ITGA6: variants seen among roughly 807,000 people sequenced by gnomAD.
The protein encoded by ITGA6 is integrin subunit alpha 6.
In ITGA6, 63 loss-of-function variants were observed where a neutral mutation model predicts 133.6. That is an observed-to-expected ratio of 0.47 (90% confidence interval 0.38 to 0.58). ITGA6 has a LOEUF of 0.58. Ranked by LOEUF, ITGA6 falls within the 20% of genes least tolerant of loss-of-function variation. The pLI, the probability that ITGA6 is intolerant of heterozygous loss-of-function variation, is 0.00. For missense variants in ITGA6, 1,068 were observed against 1,309.4 expected, an observed-to-expected ratio of 0.82 and a Z score of 2.85; for synonymous variants, 434 against 482.0, an observed-to-expected ratio of 0.90 and a Z score of 1.30.
At chr2:172,455,964 G>A (rs992018807) in intron 1 of ITGA6, among the ~76,000 whole-genome samples, 1 of 152,128 alleles carries the variant, frequency 6.6e-6, no homozygotes, top group Non-Finnish European at 1.5e-5. Flanking sequence ...AAGCTTTAAC[G>A]CCTCCTCTGC....
rs180915850 is a variant in ITGA6, at chr2:172,495,928, C to T, written c.2989-2047C>T. Among the ~76,000 whole-genome samples, 262 of 152,298 alleles carry T rather than the reference C, an allele frequency of 1.7e-3. 3 individuals are homozygous for T. The highest frequency in any genetic ancestry group is 2.1e-3 in the Admixed American group (32 of 15,298). Reference sequence around the variant, plus strand: ...TTATAATAAAGCTGATTCTCCTTGCCGAAGACCAGTTTCCACTCTCCACTT... The same window carrying T: ...TTATAATAAAGCTGATTCTCCTTGCTGAAGACCAGTTTCCACTCTCCACTT... On this transcript the variant is annotated intron_variant, in intron 23 of 25. Coordinates refer to ENST00000684293, the MANE Select transcript of ITGA6 (RefSeq NM_000210.4).
rs117920827 is a variant in ITGA6 at position 172,463,083 on chromosome 2, A to T, written c.183-2456A>T. The stretch of plus-strand genomic sequence containing the variant: ...TAGCTCCCTGTGGTTTCATGACCTC[A>T]TGACCTGTTCACGGATCAGGCTTCC... On this transcript the variant is annotated intron_variant, in intron 1 of 25. Transcript: ENST00000684293. Among the ~76,000 whole-genome samples, 293 of 152,314 alleles carry T rather than the reference A, an allele frequency of 1.9e-3. 6 individuals are homozygous for T. In the East Asian group the frequency reaches 0.034, roughly 18 times the overall value.
intron 1 of ITGA6, among the ~76,000 whole-genome samples, chr2:172,444,351 C>T (rs563152956): frequency 2.0e-5 from 3 of 152,254 alleles, no homozygotes; most frequent in African/African-American, 7.2e-5. Flanking sequence ...TCAGTATACA[C>T]AAAGAAGTAT....
chr2:172,461,897 A>T (rs1179985094), intron 1 of ITGA6, among the ~76,000 whole-genome samples: 2 of 152,190 alleles, frequency 1.3e-5, no homozygotes, highest in African/African-American at 4.8e-5. Flanking sequence ...TAGATTAGGA[A>T]GTAGATAGGT....
intron 1 of ITGA6, among the ~76,000 whole-genome samples, chr2:172,456,434 A>T (rs573578070): frequency 6.6e-6 from 1 of 152,226 alleles, no homozygotes; most frequent in South Asian, 2.1e-4. Context: ...CCAGCTTTCT[A>T]TCCGAGCCTG....
intron 5 of ITGA6, 109 bp downstream of exon 5, chr2:172,471,214 G>A: frequency 1.5e-6 from 2 of 1,294,508 alleles, no homozygotes; most frequent in African/African-American, 2.9e-5. Flanking sequence ...AAGAGGCCAG[G>A]TGGGGCCGGG....
chr2:172,496,663 C>T (rs1687139617), intron 23 of ITGA6, among the ~76,000 whole-genome samples: 2 of 150,372 alleles, frequency 1.3e-5, no homozygotes, highest in African/African-American at 5.0e-5. Flanking sequence ...CTTTACTTTA[C>T]ATTCTCTTAA....
chr2:172,487,865 A>G (rs960047915), intron 17 of ITGA6, 58 bp downstream of exon 17: 4 of 1,487,870 alleles, frequency 2.7e-6, no homozygotes, highest in African/African-American at 1.4e-5. Flanking sequence ...TGGGCAGTCA[A>G]TGAATTGGCC....
intron 1 of ITGA6, among the ~76,000 whole-genome samples, chr2:172,437,783 G>GT (rs1257521676): frequency 6.7e-6 from 1 of 148,422 alleles, no homozygotes; most frequent in Non-Finnish European, 1.5e-5. Flanking sequence ...GCCCTATGGT[G>GT]TTCTTACACA....
intron 24 of ITGA6, among the ~76,000 whole-genome samples, chr2:172,501,474 A>G (rs1687344019): frequency 6.6e-6 from 1 of 152,244 alleles, no homozygotes; most frequent in Non-Finnish European, 1.5e-5. Context: ...TACAATCAGC[A>G]ATGTATATAC....
In ITGA6 at chr2:172,487,538, CT is replaced by C; in HGVS notation, c.2161-5del. Reference sequence around the variant, plus strand: ...GTGGATTGTGACCTAGCGTGTGTTTCTTTTACAGGAGAAACAGTTGAGTTGT... The same window carrying C: ...GTGGATTGTGACCTAGCGTGTGTTTCTTTACAGGAGAAACAGTTGAGTTGT... On this transcript the variant is annotated splice_polypyrimidine_tract_variant and splice_region_variant and intron_variant, in intron 15 of 25. Coordinates refer to ENST00000684293, the MANE Select transcript of ITGA6 (RefSeq NM_000210.4). The C allele has an allele frequency of 6.2e-7, 1 of 1,613,936 alleles. No homozygotes were observed. Among genetic ancestry groups the C allele is most frequent in the Non-Finnish European group, 8.5e-7 (1 of 1,179,824 alleles).
At chr2:172,469,494 G>A in intron 4 of ITGA6, 114 bp downstream of exon 4, 1 of 937,670 alleles carries the variant, frequency 1.1e-6, no homozygotes, top group Non-Finnish European at 1.6e-6. Flanking sequence ...ATAAAAGTTG[G>A]GTAGGATATT....
intron 1 of ITGA6, among the ~76,000 whole-genome samples, chr2:172,454,478 G>A (rs1685136853): frequency 1.3e-5 from 2 of 152,126 alleles, no homozygotes; most frequent in African/African-American, 4.8e-5. Context: ...TCAAAGAGTA[G>A]AGAGTGATGG....
At chr2:172,468,411 T>C (rs546573208) in intron 3 of ITGA6, among the ~76,000 whole-genome samples, 51 of 152,346 alleles carry the variant, frequency 3.3e-4, no homozygotes, top group African/African-American at 6.7e-4. Context: ...AAAAAAAATT[T>C]AGTGAACATT....
intron 24 of ITGA6, among the ~76,000 whole-genome samples, chr2:172,498,452 CTGAA>C (rs1687220194): frequency 6.6e-6 from 1 of 152,168 alleles, no homozygotes; most frequent in South Asian, 2.1e-4. Context: ...TAGTAATAAT[CTGAA>C]TGTGTATCCC....
intron 1 of ITGA6, chr2:172,428,494 C>G (rs1234171786): frequency 6.9e-6 from 1 of 144,970 alleles, no homozygotes; most frequent in Non-Finnish European, 1.5e-5. Flanking sequence ...TCCTGCATGA[C>G]TTTCTCAGCA....
rs989979334 is a variant in ITGA6, at chr2:172,441,347, C to G, written c.182+13377C>G. ...TTGGGTCTGATTTATCTGTGTTTGCCTAGAGCTTTAACAGAGCCTGACACT... is the reference window on the plus strand; with the variant it reads ...TTGGGTCTGATTTATCTGTGTTTGCGTAGAGCTTTAACAGAGCCTGACACT... On this transcript the variant is annotated intron_variant, in intron 1 of 25. Coordinates refer to ENST00000684293, the MANE Select transcript of ITGA6 (RefSeq NM_000210.4). 4.6e-5 allele frequency among the ~76,000 whole-genome samples: 7 copies of G among 152,092 alleles called. No homozygotes were observed. The East Asian group carries it at 1.4e-3, about 29-fold the overall frequency.
At chr2:172,468,981 G>A (rs1478218112) in intron 3 of ITGA6, 144 bp from the exon 4 acceptor site, 2 of 839,378 alleles carry the variant, frequency 2.4e-6, no homozygotes, top group Non-Finnish European at 3.9e-6. Flanking sequence ...ATATTTGCTG[G>A]TCTGGGATCC....
intron 11 of ITGA6, among the ~76,000 whole-genome samples, chr2:172,483,254 T>C (rs1686528145): frequency 6.6e-6 from 1 of 151,770 alleles, no homozygotes; most frequent in South Asian, 2.1e-4. Context: ...ACTCCTGCGG[T>C]GGTTAGGAGG....
Sources: gnomAD v4.1 joint callset for allele counts (sites outside exome capture counted in the v4.1 genomes callset) on GRCh38, gnomAD v4.1.1 for gene constraint, MANE v1.5 for transcripts, NCBI Gene and HGNC (gene_info 2026-07-23, HGNC 2026-07-21) for gene names.